Variants in GRID2 observed in about 807,000 individuals in gnomAD.
GRID2 encodes the protein glutamate receptor ionotropic, delta-2.
GRID2 carries 33 observed loss-of-function variants against 114.8 expected under a neutral mutation model. The ratio of observed to expected loss-of-function variants is 0.29; its 90% CI spans 0.22 to 0.38. The LOEUF (loss-of-function observed/expected upper bound fraction) is 0.38, where lower values mean the gene tolerates loss of function less well. Ranked by LOEUF, GRID2 falls within the 10% of genes least tolerant of loss-of-function variation. The pLI is 1.00. For missense variants in GRID2, 1,184 were observed against 1,257.7 expected, an observed-to-expected ratio of 0.94 and a Z score of 0.89; for synonymous variants, 505 against 449.9, an observed-to-expected ratio of 1.12 and a Z score of -1.55.
At chr4:93,543,703 TGAGAGATA>T (rs1004764748) in intron 13 of GRID2, among the ~76,000 whole-genome samples, 1 of 80,752 alleles carries the variant, frequency 1.2e-5, no homozygotes, top group Non-Finnish European at 2.3e-5. Flanking sequence ...TGAGAGTGAG[TGAGAGATA>T]GAGAGAGAGA....
intron 2 of GRID2, among the ~76,000 whole-genome samples, chr4:92,793,750 T>G (rs889402093): frequency 6.6e-6 from 1 of 151,870 alleles, no homozygotes; most frequent in Non-Finnish European, 1.5e-5. Flanking sequence ...GCTCTACCAC[T>G]TTCTCAGACC....
intron 14 of GRID2, among the ~76,000 whole-genome samples, chr4:93,671,473 T>C (rs1421737219): frequency 1.3e-5 from 2 of 152,148 alleles, no homozygotes; most frequent in Non-Finnish European, 2.9e-5. Context: ...TGGGAGTACC[T>C]GGGTGTGAGC....
At chr4:92,709,223 G>A (rs564163871) in intron 2 of GRID2, among the ~76,000 whole-genome samples, 8 of 152,136 alleles carry the variant, frequency 5.3e-5, no homozygotes, top group African/African-American at 1.9e-4. Flanking sequence ...TAGAAAATAT[G>A]TGTAAACCAA....
chr4:93,109,690 T>A (rs1732585213), intron 3 of GRID2, among the ~76,000 whole-genome samples: 2 of 152,128 alleles, frequency 1.3e-5, no homozygotes, highest in Non-Finnish European at 2.9e-5. Flanking sequence ...TTAAATATTT[T>A]ATTCTTTGGA....
At chr4:93,074,347 T>G (rs2149308938) in intron 2 of GRID2, among the ~76,000 whole-genome samples, 1 of 152,228 alleles carries the variant, frequency 6.6e-6, no homozygotes, top group South Asian at 2.1e-4. Flanking sequence ...ATTGTCAAGA[T>G]GTAAAGCAAC....
downstream of GRID2, among the ~76,000 whole-genome samples, chr4:93,775,091 T>A (rs907991066): frequency 5.3e-5 from 8 of 150,970 alleles, no homozygotes; most frequent in African/African-American, 1.9e-4. Context: ...TTCCAGCGTT[T>A]AACACACCTA....
chr4:93,266,587 T>A (rs1048255585), intron 8 of GRID2, among the ~76,000 whole-genome samples: 1 of 152,158 alleles, frequency 6.6e-6, no homozygotes, highest in African/African-American at 2.4e-5. Flanking sequence ...ATGTCACTTG[T>A]ATTTTTAGTA....
intron 15 of GRID2, 92 bp downstream of exon 15, chr4:93,769,542 G>T (rs975584045): frequency 4.1e-6 from 5 of 1,220,334 alleles, no homozygotes; most frequent in Admixed American, 4.4e-5. Flanking sequence ...TGGGTTGGGG[G>T]TGGTCCTTGT....
At chr4:92,605,970 A>G (rs1729432661) in intron 2 of GRID2, among the ~76,000 whole-genome samples, 1 of 144,812 alleles carries the variant, frequency 6.9e-6, no homozygotes. Context: ...CACCTGCTAT[A>G]ATTCTGATTT....
intron 8 of GRID2, among the ~76,000 whole-genome samples, chr4:93,272,348 A>G (rs1751551896): frequency 6.6e-6 from 1 of 152,180 alleles, no homozygotes; most frequent in South Asian, 2.1e-4. Flanking sequence ...AGACAACAAG[A>G]CAGAGACTAT....
intron 13 of GRID2, among the ~76,000 whole-genome samples, chr4:93,529,507 AAT>A (rs1731244202): frequency 6.6e-6 from 1 of 152,178 alleles, no homozygotes; most frequent in Non-Finnish European, 1.5e-5. Flanking sequence ...AAGTGATTCC[AAT>A]GCATCTAACA....
At chr4:93,379,415 A>T (rs1763654104) in intron 8 of GRID2, among the ~76,000 whole-genome samples, 1 of 152,048 alleles carries the variant, frequency 6.6e-6, no homozygotes, top group Non-Finnish European at 1.5e-5. Context: ...CACCTAGCTT[A>T]TGCTGTCCCT....
At chr4:92,372,660 G>T (rs558948032) in intron 1 of GRID2, among the ~76,000 whole-genome samples, 3 of 152,092 alleles carry the variant, frequency 2.0e-5, no homozygotes, top group Non-Finnish European at 4.4e-5. Flanking sequence ...TGTTGTGGTG[G>T]TCTGGAACCA....
At chr4:93,342,419 A>G (rs1759760669) in intron 8 of GRID2, among the ~76,000 whole-genome samples, 1 of 151,862 alleles carries the variant, frequency 6.6e-6, no homozygotes, top group African/African-American at 2.4e-5. Context: ...CTTAAAATCC[A>G]TTTCCTCATT....
At position 92,332,243 on chromosome 4, in the gene GRID2, GTCT is replaced by G. The variant is rs142946071; in HGVS notation, c.88+27504_88+27506del. On this transcript the variant is annotated intron_variant, in intron 1 of 15. Coordinates refer to ENST00000282020, the MANE Select transcript of GRID2 (RefSeq NM_001510.4). ...GATTGAGGGGCTGCATCTTGTGAGG[GTCT>G]TCTTGCAGCATCATCTAATGGCACA... Among the ~76,000 whole-genome samples the G allele has an allele frequency of 5.6e-3, 857 of 152,250 alleles. 9 individuals carry two copies. The highest frequency in any genetic ancestry group is 0.02 in the African/African-American group (816 of 41,546).
intron 8 of GRID2, among the ~76,000 whole-genome samples, chr4:93,271,858 CA>C (rs1264233578): frequency 1.3e-5 from 2 of 152,146 alleles, no homozygotes; most frequent in Non-Finnish European, 2.9e-5. Context: ...AAGAAATACA[CA>C]GATGAATAAT....
chr4:93,695,471 AAGTTTGCTTT>A (rs1199382034), intron 14 of GRID2, among the ~76,000 whole-genome samples: 3 of 152,218 alleles, frequency 2.0e-5, no homozygotes, highest in Admixed American at 1.3e-4. Flanking sequence ...TAATTACTGC[AAGTTTGCTTT>A]AGTAAACACC....
chr4:93,200,003 C>T (rs1321043358), intron 4 of GRID2, among the ~76,000 whole-genome samples: 2 of 152,124 alleles, frequency 1.3e-5, no homozygotes, highest in Non-Finnish European at 2.9e-5. Context: ...ATAATAATTG[C>T]ATTTTTTTGG....
At chr4:92,738,803 C>T (rs770976245) in intron 2 of GRID2, among the ~76,000 whole-genome samples, 9 of 152,018 alleles carry the variant, frequency 5.9e-5, no homozygotes, top group African/African-American at 1.2e-4. Context: ...TGGCATGCAC[C>T]ACCATGTCAG....
Sources: gnomAD v4.1 joint callset for allele counts (sites outside exome capture counted in the v4.1 genomes callset) on GRCh38, gnomAD v4.1.1 for gene constraint, MANE v1.5 for transcripts, NCBI Gene and HGNC (gene_info 2026-07-23, HGNC 2026-07-21) for gene names.